The following MRTFA variants were observed in gnomAD, a reference collection of about 807,000 sequenced individuals.
MRTFA encodes the protein myocardin-related transcription factor A.
A neutral mutation model predicts 83.5 loss-of-function variants in MRTFA; 20 were observed. That is an observed-to-expected ratio of 0.24 (90% confidence interval 0.17 to 0.35). The LOEUF (loss-of-function observed/expected upper bound fraction) is 0.35. MRTFA is among the 10% of genes least tolerant of loss of function. The pLI is 1.00. For synonymous variants in MRTFA, 659 were observed against 541.2 expected (o/e 1.22, Z -3.02); for missense variants, 1,200 against 1,224.7 (o/e 0.98, Z 0.30).
chr22:40,587,321 T>A (rs1311087743), intron 2 of MRTFA: 3 of 451,766 alleles, frequency 6.6e-6, no homozygotes, highest in Non-Finnish European at 1.3e-5. Flanking sequence ...TTTGCTTACA[T>A]TAAGCAGAAT....
intron 3 of MRTFA, among the ~76,000 whole-genome samples, chr22:40,524,065 T>C (rs898296522): frequency 2.6e-5 from 4 of 152,198 alleles, no homozygotes; most frequent in Non-Finnish European, 5.9e-5. Context: ...GAGCAAAATA[T>C]ATTGCAGAAA....
intron 2 of MRTFA, among the ~76,000 whole-genome samples, chr22:40,592,491 T>TC (rs1491517165): frequency 1.3e-5 from 2 of 150,484 alleles, no homozygotes; most frequent in Non-Finnish European, 3.0e-5. Flanking sequence ...ATTTTTTTTT[T>TC]CTTTTTTTTT....
chr22:40,565,378 C>G (rs188328245), intron 2 of MRTFA, among the ~76,000 whole-genome samples: 3 of 152,270 alleles, frequency 2.0e-5, no homozygotes, highest in Non-Finnish European at 4.4e-5. Context: ...GAAACTCCGT[C>G]TCTACTAAAA....
intron 1 of MRTFA, among the ~76,000 whole-genome samples, chr22:40,600,749 G>A (rs1373636767): frequency 6.6e-6 from 1 of 152,190 alleles, no homozygotes; most frequent in Admixed American, 6.5e-5. Context: ...GGAGGCCGAG[G>A]CAGGCGGATC....
chr22:40,443,120 C>T (rs1323067375), intron 4 of MRTFA, among the ~76,000 whole-genome samples: 10 of 152,034 alleles, frequency 6.6e-5, no homozygotes, highest in South Asian at 6.2e-4. Flanking sequence ...GGTGTGGTTA[C>T]GCACACCTGT....
intron 14 of MRTFA, among the ~76,000 whole-genome samples, chr22:40,414,208 C>T (rs1448368979): frequency 2.0e-5 from 3 of 152,156 alleles, no homozygotes; most frequent in Admixed American, 6.5e-5. Flanking sequence ...CCGGGCGTGG[C>T]GGCGGGTGCC....
chr22:40,474,959 C>A (rs1005062850), intron 3 of MRTFA, among the ~76,000 whole-genome samples: 2 of 152,076 alleles, frequency 1.3e-5, no homozygotes, highest in Non-Finnish European at 2.9e-5. Flanking sequence ...CTGCCTCAGC[C>A]ATCCGAGTAG....
chr22:40,572,079 T>A (rs1404407782), intron 2 of MRTFA, among the ~76,000 whole-genome samples: 1 of 151,404 alleles, frequency 6.6e-6, no homozygotes, highest in Non-Finnish European at 1.5e-5. Context: ...AGTCAGATTA[T>A]AACAAGTGAT....
rs917351248 is a variant in MRTFA at position 40,567,456 on chromosome 22, C to A, written c.-21-15089G>T. On this transcript the variant is annotated intron_variant, in intron 2 of 14. Transcript: ENST00000355630. ...AGACCTGAATAAATTTAAATATGAT[C>A]ATCTGCACATATTTTGTGTATTCAC... Among the ~76,000 whole-genome samples, 56 of 152,278 alleles carry A rather than the reference C, an allele frequency of 3.7e-4. 1 individual carries two copies. Among genetic ancestry groups the A allele is most frequent in the African/African-American group, 1.2e-3 (51 of 41,546 alleles).
Position 40,418,248 on chromosome 22 carries a change from A to G in MRTFA, c.2364+126T>C, listed in dbSNP as rs2052730294. 5 of 1,483,102 alleles carry G rather than the reference A, an allele frequency of 3.4e-6. No homozygotes were observed. The African/African-American group carries it at 4.3e-5, about 13-fold the overall frequency. 91.9% of individuals were successfully genotyped at this position (1,483,102 alleles called of 1,614,324 possible). A position where few individuals can be genotyped will look rare whatever the true frequency, so the allele number is the denominator to read the frequency against. On this transcript the variant is annotated intron_variant, in intron 12 of 14. Transcript: ENST00000355630. ...CTAAGTCTCAGTACCCCCCTGGTGA[A>G]GGAAGATTAAATGAAGCAAACACAA...
intron 1 of MRTFA, among the ~76,000 whole-genome samples, chr22:40,601,590 A>T (rs1413559386): frequency 6.6e-6 from 1 of 152,222 alleles, no homozygotes. Context: ...CCTAGACTCT[A>T]GCCTAGTTTT....
At chr22:40,620,249 C>T (rs1012973452) in intron 1 of MRTFA, among the ~76,000 whole-genome samples, 2 of 151,622 alleles carry the variant, frequency 1.3e-5, no homozygotes, top group Admixed American at 6.6e-5. Flanking sequence ...CTCAGCCTCC[C>T]GAGTAGCTGG....
chr22:40,632,953 A>G (rs919817109), intron 1 of MRTFA, among the ~76,000 whole-genome samples: 5 of 152,192 alleles, frequency 3.3e-5, no homozygotes, highest in African/African-American at 1.2e-4. Context: ...AACTCTATTA[A>G]AGCCTTAGAC....
chr22:40,498,269 ATATATTTTTTTT>A (rs2054392695), intron 3 of MRTFA, among the ~76,000 whole-genome samples: 1 of 88,382 alleles, frequency 1.1e-5, no homozygotes, highest in African/African-American at 5.1e-5. Context: ...ATATATATAT[ATATATTTTTTTT>A]TTTTTTTTTT....
chr22:40,463,546 T>C (rs2053754450), intron 3 of MRTFA: 1 of 379,722 alleles, frequency 2.6e-6, no homozygotes, highest in Admixed American at 4.4e-5. Flanking sequence ...GTCTTGCCTT[T>C]TGCTCAAAAC....
intron 4 of MRTFA, among the ~76,000 whole-genome samples, chr22:40,448,283 C>T (rs2053421582): frequency 6.6e-6 from 1 of 152,146 alleles, no homozygotes; most frequent in Non-Finnish European, 1.5e-5. Flanking sequence ...GCACTCCAGC[C>T]TGGGCAACAG....
At chr22:40,533,362 C>G (rs4300937) in intron 3 of MRTFA, among the ~76,000 whole-genome samples, 1 of 152,154 alleles carries the variant, frequency 6.6e-6, no homozygotes, top group Admixed American at 6.5e-5. Context: ...GTCTCCGCAA[C>G]TGAATAATCT....
chr22:40,536,447 G>T (rs1461532437), intron 3 of MRTFA, among the ~76,000 whole-genome samples: 3 of 148,008 alleles, frequency 2.0e-5, no homozygotes, highest in Admixed American at 6.8e-5. Context: ...GACGGGCCCC[G>T]CGGGGCCCGA....
At position 40,605,369 on chromosome 22, in the gene MRTFA, GAT is replaced by G. The variant is rs2056307565; in HGVS notation, c.-83-10636_-83-10635del. On this transcript the variant is annotated intron_variant, in intron 1 of 14. Coordinates refer to ENST00000355630, the MANE Select transcript of MRTFA (RefSeq NM_020831.6). Reference sequence around the variant, plus strand: ...GTGGGCAGAAAGTGCCAACTTTTTAGATATAGTGATAAGGAAAGTTGAAAGGA... The same window carrying G: ...GTGGGCAGAAAGTGCCAACTTTTTAGATAGTGATAAGGAAAGTTGAAAGGA... Among the ~76,000 whole-genome samples the G allele has an allele frequency of 2.6e-5, 4 of 152,344 alleles. No individual in the cohort carries two copies. In the South Asian group the frequency reaches 8.3e-4, roughly 32 times the overall value.
Sources: allele counts gnomAD v4.1 joint callset (sites outside exome capture counted in the v4.1 genomes callset), GRCh38; gene constraint gnomAD v4.1.1; transcripts MANE v1.5; gene names NCBI Gene and HGNC (gene_info 2026-07-23, HGNC 2026-07-21).